The following DNM3 variants were observed in gnomAD, a reference collection of about 807,000 sequenced individuals.
DNM3 encodes dynamin-3.
DNM3 carries 47 observed loss-of-function variants against 101.6 expected under a neutral mutation model. That is an observed-to-expected ratio of 0.46 (90% CI 0.37 to 0.59). The LOEUF (loss-of-function observed/expected upper bound fraction) is 0.59, where lower values mean the gene tolerates loss of function less well. Ranked by LOEUF, DNM3 falls within the 20% of genes least tolerant of loss-of-function variation. The pLI, the probability that DNM3 is intolerant of heterozygous loss-of-function variation, is 0.00. For synonymous variants in DNM3, 385 were observed against 387.9 expected, an observed-to-expected ratio of 0.99 and a Z score of 0.09; for missense variants, 849 against 1,085.7, an observed-to-expected ratio of 0.78 and a Z score of 3.06.
chr1:172,053,944 T>C (rs1304078412), intron 10 of DNM3, among the ~76,000 whole-genome samples: 1 of 152,182 alleles, frequency 6.6e-6, no homozygotes, highest in East Asian at 1.9e-4. Flanking sequence ...GGTGACTATA[T>C]AATTTATTGT....
At position 172,238,086 on chromosome 1, in the gene DNM3, T is replaced by A. The variant is rs561532015; in HGVS notation, c.1660-15487T>A. ...ATACTATAAATACATTACTACCACTTGGTGCAAACACAAGCACTAAAATTG... is the reference window on the plus strand; with the variant it reads ...ATACTATAAATACATTACTACCACTAGGTGCAAACACAAGCACTAAAATTG... On this transcript the variant is annotated intron_variant, in intron 14 of 20. Coordinates refer to ENST00000627582, the MANE Select transcript of DNM3 (RefSeq NM_015569.5). Among the ~76,000 whole-genome samples, 65 of 152,326 alleles carry A rather than the reference T, an allele frequency of 4.3e-4. 1 individual carries two copies. Among genetic ancestry groups the A allele is most frequent in the African/African-American group, 1.4e-3 (60 of 41,580 alleles).
Position 171,847,731 on chromosome 1 carries a change from A to C in DNM3, c.161+5914A>C, listed in dbSNP as rs531755025. ...AGAATAAGTCAAAGACACAAATGTC[A>C]GGGAAAATGTCCTAAAGGCAAACCT... On this transcript the variant is annotated intron_variant, in intron 1 of 20. Coordinates refer to ENST00000627582, the MANE Select transcript of DNM3 (RefSeq NM_015569.5). 6.6e-5 allele frequency among the ~76,000 whole-genome samples: 10 copies of C among 152,312 alleles called. No individual in the cohort carries two copies. In the South Asian group the frequency reaches 1.7e-3, roughly 25 times the overall value.
At chr1:172,192,380 TC>T (rs1440506689) in intron 14 of DNM3, among the ~76,000 whole-genome samples, 15 of 150,816 alleles carry the variant, frequency 9.9e-5, no homozygotes, top group African/African-American at 2.2e-4. Context: ...TTTTTTTTTT[TC>T]TTTTATTATT....
chr1:172,217,326 G>A (rs186375015), intron 14 of DNM3, among the ~76,000 whole-genome samples: 23 of 152,222 alleles, frequency 1.5e-4, no homozygotes, highest in Middle Eastern at 3.4e-3. Context: ...GCTACTTTCA[G>A]AGATCCAAAA....
chr1:172,286,808 A>C (rs1348440156), intron 15 of DNM3, among the ~76,000 whole-genome samples: 1 of 152,196 alleles, frequency 6.6e-6, no homozygotes, highest in Non-Finnish European at 1.5e-5. Context: ...CTGTCTAGTT[A>C]AAATTGTTGC....
At chr1:172,185,793 G>A (rs900218190) in intron 14 of DNM3, among the ~76,000 whole-genome samples, 1 of 152,182 alleles carries the variant, frequency 6.6e-6, no homozygotes, top group Non-Finnish European at 1.5e-5. Flanking sequence ...TTTTGAAACT[G>A]GGAATAAAAT....
At chr1:172,322,895 T>A (rs756207601) in intron 16 of DNM3, among the ~76,000 whole-genome samples, 4 of 152,066 alleles carry the variant, frequency 2.6e-5, no homozygotes, top group Non-Finnish European at 5.9e-5. Flanking sequence ...CTGATGAAAT[T>A]TTCCACTGCT....
rs376199314 is a variant in DNM3 at position 172,411,891 on chromosome 1, G to A, written c.*4050G>A. 4.1e-6 allele frequency: 4 copies of A among 985,644 alleles called. No homozygotes were observed. The Admixed American group carries it at 1.8e-4, about 45-fold the overall frequency. 61.1% of individuals were successfully genotyped at this position (985,644 alleles called of 1,614,324 possible). ...TGAAGAAATGATTATTCGTTCACCA[G>A]ATCACTCATTGTACATTCTAAAAAG... On this transcript the variant is annotated 3_prime_UTR_variant, in exon 21 of 21. Coordinates refer to ENST00000627582, the MANE Select transcript of DNM3 (RefSeq NM_015569.5).
intron 14 of DNM3, among the ~76,000 whole-genome samples, chr1:172,154,061 G>A (rs568438997): frequency 7.9e-5 from 12 of 152,052 alleles, no homozygotes; most frequent in East Asian, 3.9e-4. Context: ...TTAAACTGTC[G>A]TTTCACTTAT....
chr1:172,031,760 G>T (rs1317375630), intron 4 of DNM3, among the ~76,000 whole-genome samples: 2 of 152,058 alleles, frequency 1.3e-5, no homozygotes, highest in African/African-American at 2.4e-5. Context: ...ACTGAGACCT[G>T]GGGAGTTTTG....
chr1:171,929,380 T>C lies in DNM3; in HGVS notation c.235+7559T>C, dbSNP rs1324174475. The stretch of plus-strand genomic sequence containing the variant: ...AAAAAGCGGTCTGGCCATGTTTTTG[T>C]AGGACAGCTGTGCTGTGCTGGGGGT... On this transcript the variant is annotated intron_variant, in intron 2 of 20. Transcript: ENST00000627582. Among the ~76,000 whole-genome samples, 7 of 152,320 alleles carry C rather than the reference T, an allele frequency of 4.6e-5. No individual in the cohort carries two copies. In the East Asian group the frequency reaches 1.2e-3, roughly 25 times the overall value.
intron 17 of DNM3, among the ~76,000 whole-genome samples, chr1:172,341,373 T>G (rs768625998): frequency 6.6e-6 from 1 of 152,306 alleles, no homozygotes; most frequent in East Asian, 1.9e-4. Context: ...CTTCACAGAA[T>G]TGGAAAAATC....
chr1:172,384,289 G>GC (rs1372064936), intron 18 of DNM3, among the ~76,000 whole-genome samples: 13 of 152,096 alleles, frequency 8.5e-5, no homozygotes, highest in Admixed American at 8.5e-4. Flanking sequence ...CTGTACTGTT[G>GC]CAACAGCTGT....
intron 14 of DNM3, among the ~76,000 whole-genome samples, chr1:172,212,142 G>T (rs1553419262): frequency 6.6e-6 from 1 of 151,776 alleles, no homozygotes; most frequent in Non-Finnish European, 1.5e-5. Flanking sequence ...TGATAAATGA[G>T]AAAAAAAGGA....
intron 2 of DNM3, among the ~76,000 whole-genome samples, chr1:171,983,931 C>T (rs563364905): frequency 1.3e-5 from 2 of 152,196 alleles, no homozygotes; most frequent in Admixed American, 1.3e-4. Context: ...AGGTCCCAAC[C>T]CACATCCCAT....
At chr1:171,848,970 T>C (rs4916235) in intron 1 of DNM3, among the ~76,000 whole-genome samples, 113,678 of 152,092 alleles carry the variant, frequency 0.75, 43,179 homozygotes, top group African/African-American at 0.9. Context: ...CCTCAGTGCT[T>C]CTTTGTGACA....
chr1:171,918,249 C>T lies in DNM3; in HGVS notation c.162-3499C>T, dbSNP rs922791959. 3.9e-5 allele frequency among the ~76,000 whole-genome samples: 6 copies of T among 152,246 alleles called. No homozygotes were observed. The East Asian group carries it at 7.7e-4, about 20-fold the overall frequency. ...TTTCCGTGGTGCTTGGGTTTTAAAA[C>T]GGTTGGCGTTTGTTGCATTTCTTTT... is the stretch of plus-strand genomic sequence containing the variant. On this transcript the variant is annotated intron_variant, in intron 1 of 20. Coordinates refer to ENST00000627582, the MANE Select transcript of DNM3 (RefSeq NM_015569.5).
chr1:171,847,886 C>CTGTGTG (rs1375579938), intron 1 of DNM3, among the ~76,000 whole-genome samples: 8 of 50,908 alleles, frequency 1.6e-4, no homozygotes, highest in African/African-American at 4.6e-4. Context: ...ATTACTCTCT[C>CTGTGTG]TCTCTCTCTC....
Position 172,388,750 on chromosome 1 carries a change from C to T in DNM3, c.2463C>T (p.Ser821=). The change falls in exon 20 of 21, where the codon TCC becomes TCT. Residue 821 remains serine (S), a synonymous_variant. Transcript: ENST00000627582. ...PLPPFPSSSD[S]FGAPPQVPSR... ...CTCCTTTCCCCAGCAGCAGTGACTC[C>T]TTCGGAGCCCCTCCACAAGTTCCAT... 6.2e-7 allele frequency: 1 copy of T among 1,610,770 alleles called. No individual in the cohort carries two copies. The highest frequency in any genetic ancestry group is 8.5e-7 in the Non-Finnish European group (1 of 1,178,536).
Sources: gnomAD v4.1 joint callset for allele counts (sites outside exome capture counted in the v4.1 genomes callset) on GRCh38, gnomAD v4.1.1 for gene constraint, MANE v1.5 for transcripts, NCBI Gene and HGNC (gene_info 2026-07-23, HGNC 2026-07-21) for gene names.